The following MEP1A variants were observed in gnomAD, a reference collection of about 807,000 sequenced individuals.
MEP1A encodes the protein N-benzoyl-L-tyrosyl-P-amino-benzoic acid hydrolase subunit alpha.
In MEP1A, 68 loss-of-function variants were observed where a neutral mutation model predicts 84.5. That is an observed-to-expected ratio of 0.80 (90% CI 0.66 to 0.98). The LOEUF is 0.98. Ranked by LOEUF, MEP1A falls within the 50% of genes least tolerant of loss-of-function variation. The probability of loss-of-function intolerance (pLI) is 0.00; values close to 1 mark genes in which losing one functional copy is unlikely to be tolerated. For missense variants in MEP1A, 887 were observed against 919.9 expected (o/e 0.96, Z 0.46); for synonymous variants, 337 against 336.8 (o/e 1.00, Z -0.01).
intron 8 of MEP1A, 146 bp from the exon 9 acceptor site, chr6:46,826,208 G>A: frequency 3.1e-6 from 2 of 646,148 alleles, no homozygotes; most frequent in East Asian, 3.0e-5. Context: ...TCTGATGACA[G>A]TAAGATTTGC....
intron 9 of MEP1A, among the ~76,000 whole-genome samples, chr6:46,827,147 C>G (rs1278668847): frequency 6.6e-6 from 1 of 152,170 alleles, no homozygotes; most frequent in East Asian, 1.9e-4. Context: ...GCTTCAGATA[C>G]TTCCTATATA....
chr6:46,803,481 C>A (rs898216599), intron 5 of MEP1A, among the ~76,000 whole-genome samples: 1 of 151,068 alleles, frequency 6.6e-6, no homozygotes, highest in Non-Finnish European at 1.5e-5. Context: ...CTCTTTTTTT[C>A]TTGACATGTC....
At chr6:46,818,544 G>A (rs943348265) in intron 6 of MEP1A, among the ~76,000 whole-genome samples, 1 of 152,162 alleles carries the variant, frequency 6.6e-6, no homozygotes, top group Admixed American at 6.5e-5. Flanking sequence ...GGGTTTATGA[G>A]AAGAGAAAAA....
intron 5 of MEP1A, among the ~76,000 whole-genome samples, chr6:46,807,001 C>T (rs1343966345): frequency 6.6e-6 from 1 of 151,842 alleles, no homozygotes; most frequent in Admixed American, 6.6e-5. Context: ...CTTATTTTTT[C>T]AAGTTTACAA....
At chr6:46,805,834 G>T (rs1767300216) in intron 5 of MEP1A, among the ~76,000 whole-genome samples, 1 of 151,828 alleles carries the variant, frequency 6.6e-6, no homozygotes, top group Non-Finnish European at 1.5e-5. Flanking sequence ...AAAAACGTTA[G>T]GCCATTATTT....
In MEP1A at chr6:46,839,080, G is replaced by A. The variant is rs773914095; in HGVS notation, c.2185G>A (p.Val729Met). ...CATGGTGATCGGAGGCACGGCTGGC[G>A]TGATCTTCTTGACCTTCTCCATCAT... ...LGMVIGGTAG[V>M]IFLTFSIIAI... The change falls in exon 14 of 14, where the codon GTG becomes ATG. Residue 729 changes from valine to methionine, a missense_variant. Coordinates refer to ENST00000230588, the MANE Select transcript of MEP1A (RefSeq NM_005588.3). 57 of 1,613,390 alleles carry A rather than the reference G, an allele frequency of 3.5e-5. No individual in the cohort carries two copies. The highest frequency in any genetic ancestry group is 1.6e-4 in the South Asian group (15 of 91,034).
chr6:46,809,575 C>A (rs1767443572), intron 6 of MEP1A, 38 bp downstream of exon 6: 2 of 1,373,242 alleles, frequency 1.5e-6, no homozygotes, highest in Non-Finnish European at 2.1e-6. Context: ...ATCATGCATA[C>A]TTTGGTTCGT....
chr6:46,819,756 C>T, intron 7 of MEP1A, 52 bp downstream of exon 7: 3 of 1,570,808 alleles, frequency 1.9e-6, no homozygotes, highest in Non-Finnish European at 2.6e-6. Flanking sequence ...GAGACCAATC[C>T]TGAGATGACC....
intron 7 of MEP1A, among the ~76,000 whole-genome samples, chr6:46,820,334 G>GT (rs1266041404): frequency 6.6e-6 from 1 of 152,074 alleles, no homozygotes; most frequent in Non-Finnish European, 1.5e-5. Context: ...AAATACAACA[G>GT]TTTTGTCTTA....
At chr6:46,837,604 G>A (rs1202197453) in intron 13 of MEP1A, among the ~76,000 whole-genome samples, 2 of 152,158 alleles carry the variant, frequency 1.3e-5, no homozygotes, top group East Asian at 3.9e-4. Context: ...TCCCCAACAG[G>A]CTTCATCCTT....
chr6:46,819,486 A>G (rs765457062), intron 6 of MEP1A, 43 bp from the exon 7 acceptor site: 1 of 1,530,836 alleles, frequency 6.5e-7, no homozygotes, highest in Non-Finnish European at 8.8e-7. Flanking sequence ...ACAGCCACTT[A>G]AAAATTCTCT....
At chr6:46,804,009 C>T (rs2150741935) in intron 5 of MEP1A, among the ~76,000 whole-genome samples, 1 of 151,726 alleles carries the variant, frequency 6.6e-6, no homozygotes, top group East Asian at 1.9e-4. Flanking sequence ...ATAAGTCTCG[C>T]ACTATAGTGT....
rs1767719856 is a variant in MEP1A, at chr6:46,819,608, G to A, written c.460G>A (p.Glu154Lys). 6.2e-7 allele frequency: 1 copy of A among 1,613,942 alleles called. No homozygotes were observed. The highest frequency in any genetic ancestry group is 1.3e-5 in the African/African-American group (1 of 74,912). ...AGGATGTGCCTATAAGGCCATCATA[G>A]AACACGAGATCCTGCATGCTTTGGG... ...GQGCAYKAII[E>K]HEILHALGFY... Residue 154 changes from glutamate (E) to lysine (K), a missense_variant, in exon 7 of 14, where the codon GAA (glutamate) becomes AAA (lysine). By Grantham distance (56) the Glu-to-Lys change is moderately conservative. Transcript: ENST00000230588.
intron 6 of MEP1A, among the ~76,000 whole-genome samples, chr6:46,813,821 C>G (rs1767562385): frequency 6.6e-6 from 1 of 152,076 alleles, no homozygotes; most frequent in African/African-American, 2.4e-5. Context: ...CTTAGTTTCA[C>G]CAGATACTAA....
chr6:46,808,853 C>A (rs942643715), intron 5 of MEP1A, among the ~76,000 whole-genome samples: 1 of 152,050 alleles, frequency 6.6e-6, no homozygotes, highest in South Asian at 2.1e-4. Context: ...GGCTGGGAAG[C>A]AGGGTAAAAT....
chr6:46,832,918 T>C (rs1047651533), intron 10 of MEP1A, among the ~76,000 whole-genome samples, 156 bp from the exon 11 acceptor site: 2 of 152,210 alleles, frequency 1.3e-5, no homozygotes, highest in Non-Finnish European at 2.9e-5. Flanking sequence ...TTTGGAAAAG[T>C]TACTTAACCA....
chr6:46,841,350 G>C (rs1768328140), downstream of MEP1A, among the ~76,000 whole-genome samples: 1 of 111,736 alleles, frequency 8.9e-6, no homozygotes, highest in African/African-American at 3.3e-5. Flanking sequence ...TCTGTTGATT[G>C]ATTAATGGTC....
intron 5 of MEP1A, among the ~76,000 whole-genome samples, chr6:46,803,738 TA>T (rs58561397): frequency 0.4 from 61,041 of 151,262 alleles, 12,498 homozygotes; most frequent in African/African-American, 0.45. Context: ...ACTAAAGCTA[TA>T]AATTTTATCT....
chr6:46,832,320 C>T (rs1035045355), intron 10 of MEP1A, among the ~76,000 whole-genome samples: 2 of 152,230 alleles, frequency 1.3e-5, no homozygotes, highest in African/African-American at 4.8e-5. Context: ...CCCCAAGCTC[C>T]TGTCTGGCTT....
Sources: gnomAD v4.1 joint callset for allele counts (sites outside exome capture counted in the v4.1 genomes callset) on GRCh38, gnomAD v4.1.1 for gene constraint, MANE v1.5 for transcripts, NCBI Gene and HGNC (gene_info 2026-07-23, HGNC 2026-07-21) for gene names.